The following C9orf43 variants were observed in gnomAD, a reference collection of about 807,000 sequenced individuals.
C9orf43 encodes chromosome 9 open reading frame 43, also known as uncharacterized protein C9orf43.
C9orf43 carries 45 observed loss-of-function variants against 59.1 expected under a neutral mutation model. The observed-to-expected ratio is 0.76, with a 90% CI of 0.60 to 0.98. C9orf43 has a LOEUF of 0.98. C9orf43 is among the 50% of genes least tolerant of loss of function. The pLI is 0.00. For missense variants in C9orf43, 533 were observed against 554.9 expected, an observed-to-expected ratio of 0.96 and a Z score of 0.40; for synonymous variants, 203 against 196.8, an observed-to-expected ratio of 1.03 and a Z score of -0.26.
chr9:113,427,040 A>C (rs1032511486), intron 11 of C9orf43, among the ~76,000 whole-genome samples: 5 of 152,162 alleles, frequency 3.3e-5, no homozygotes, highest in African/African-American at 1.2e-4. Flanking sequence ...TTGGGTATTT[A>C]AGGGAGAGTG....
chr9:113,426,615 CT>C (rs1308265380), intron 11 of C9orf43, among the ~76,000 whole-genome samples: 1 of 152,206 alleles, frequency 6.6e-6, no homozygotes, highest in Non-Finnish European at 1.5e-5. Flanking sequence ...ATGATCTGCT[CT>C]AACCTGAAGG....
rs1828480969 is a variant in C9orf43 at position 113,419,154 on chromosome 9, A to G, written c.334A>G (p.Arg112Gly). Residue 112 changes from arginine (R) to glycine (G), a missense_variant, in exon 4 of 14, where the codon AGA becomes GGA. Coordinates refer to ENST00000374165, the MANE Select transcript of C9orf43 (RefSeq NM_001278629.2). Reference sequence around the variant, plus strand: ...CAAAAGTTTGATCAACTGTACTAACAGACTTCCCAAAGTAAGTCATAGATT... The same window carrying G: ...CAAAAGTTTGATCAACTGTACTAACGGACTTCCCAAAGTAAGTCATAGATT... ...PDKSLINCTN[R>G]LPKFPVLNLN... The G allele has an allele frequency of 1.9e-6, 3 of 1,607,440 alleles. No individual in the cohort carries two copies. The highest frequency in any genetic ancestry group is 2.5e-6 in the Non-Finnish European group (3 of 1,176,888).
Position 113,424,960 on chromosome 9 carries a change from A to T in C9orf43, c.808-59A>T, listed in dbSNP as rs1351447908. ...ATGAATAAACGCATTTGGGGGATACATTTGGAGAAAGGGAAAGACCTGCAG... is the reference window on the plus strand; with the variant it reads ...ATGAATAAACGCATTTGGGGGATACTTTTGGAGAAAGGGAAAGACCTGCAG... On this transcript the variant is annotated intron_variant, in intron 8 of 13. Transcript: ENST00000374165. 3 of 1,464,732 alleles carry T rather than the reference A, an allele frequency of 2.0e-6. No homozygotes were observed. The East Asian group carries it at 6.8e-5, about 33-fold the overall frequency. The allele number at this position is 1,464,732 out of a possible 1,614,324, so 90.7% of individuals were successfully genotyped here.
Position 113,429,628 on chromosome 9 carries a change from A to G in C9orf43, c.*242A>G. ...TCCCCAGCCTTTTTAAATTTAGATT[A>G]TTTCCTTTCCATTAGGGTCAGAATA... On this transcript the variant is annotated 3_prime_UTR_variant, in exon 14 of 14. Coordinates refer to ENST00000374165, the MANE Select transcript of C9orf43 (RefSeq NM_001278629.2). 2.1e-6 allele frequency: 1 copy of G among 471,966 alleles called. No individual in the cohort carries two copies. The highest frequency in any genetic ancestry group is 3.5e-5 in the South Asian group (1 of 28,518). 29.2% of individuals were successfully genotyped at this position (471,966 alleles called of 1,614,324 possible).
intron 4 of C9orf43, among the ~76,000 whole-genome samples, chr9:113,420,553 A>G (rs187549071): frequency 6.6e-6 from 1 of 152,338 alleles, no homozygotes; most frequent in East Asian, 1.9e-4. Flanking sequence ...TCGTGTGTGT[A>G]TCTTACCAGG....
chr9:113,425,607 A>G (rs780477872), intron 10 of C9orf43, 36 bp from the exon 11 acceptor site: 65 of 1,596,058 alleles, frequency 4.1e-5, no homozygotes, highest in African/African-American at 5.4e-5. Context: ...TTTACTTCCA[A>G]AAATCCTAAT....
chr9:113,423,329 A>T lies in C9orf43; in HGVS notation c.487A>T (p.Ser163Cys), dbSNP rs1289399108. The T allele has an allele frequency of 6.2e-7, 1 of 1,613,152 alleles. No homozygotes were observed. The highest frequency in any genetic ancestry group is 1.3e-5 in the African/African-American group (1 of 74,902). The change falls in exon 7 of 14, where the codon AGC becomes TGC. Residue 163 changes from serine (S) to cysteine (C), a missense_variant. By Grantham distance (112) the Ser-to-Cys change is moderately radical. Coordinates refer to ENST00000374165, the MANE Select transcript of C9orf43 (RefSeq NM_001278629.2). ...CTTTCCATTGTTTCTCTTCCAGAAAAGCAAGTCATTTCTGGGTCTCTCTGG... is the reference window on the plus strand; with the variant it reads ...CTTTCCATTGTTTCTCTTCCAGAAATGCAAGTCATTTCTGGGTCTCTCTGG... ...KKKRKNSAVK[S>C]KSFLGLSGNQ...
intron 11 of C9orf43, among the ~76,000 whole-genome samples, chr9:113,427,189 G>C (rs532623933): frequency 4.3e-4 from 65 of 152,286 alleles, no homozygotes; most frequent in African/African-American, 1.4e-3. Context: ...ATTTATTTGA[G>C]ACGGAGTTTC....
chr9:113,419,209 T>C, intron 4 of C9orf43, 44 bp downstream of exon 4: 2 of 1,428,626 alleles, frequency 1.4e-6, no homozygotes, highest in Non-Finnish European at 2.0e-6. Flanking sequence ...ATTTTTTCTT[T>C]ACTAGTGGAA....
chr9:113,411,147 A>AG, intron 1 of C9orf43, 146 bp downstream of exon 1: 1 of 982,454 alleles, frequency 1.0e-6, no homozygotes, highest in Non-Finnish European at 1.2e-6. Flanking sequence ...AGGTAACGAA[A>AG]GGGCGAGAAG....
At chr9:113,422,476 A>T in intron 5 of C9orf43, 73 bp from the exon 6 acceptor site, 1 of 1,579,204 alleles carries the variant, frequency 6.3e-7, no homozygotes, top group East Asian at 2.2e-5. Context: ...ATCTGGGAAT[A>T]AGTTGTGCTT....
At chr9:113,421,053 T>TG in intron 4 of C9orf43, 50 bp from the exon 5 acceptor site, 1 of 1,390,260 alleles carries the variant, frequency 7.2e-7, no homozygotes, top group Non-Finnish European at 1.0e-6. Context: ...TAATCTGATA[T>TG]AGGAGCTTAG....
chr9:113,422,229 C>T (rs986182639), intron 5 of C9orf43, among the ~76,000 whole-genome samples: 1 of 152,168 alleles, frequency 6.6e-6, no homozygotes, highest in African/African-American at 2.4e-5. Context: ...ACAGACATAA[C>T]CACACCTACA....
rs1251896305 is a variant in C9orf43, at chr9:113,423,467, T to C, written c.625T>C (p.Ser209Pro). 6.2e-7 allele frequency: 1 copy of C among 1,613,834 alleles called. No homozygotes were observed. The highest frequency in any genetic ancestry group is 8.5e-7 in the Non-Finnish European group (1 of 1,179,890). ...SSDFLPLWAQ[S>P]EALPQDLLKE... The stretch of plus-strand genomic sequence containing the variant: ...AGATTTCCTACCTCTCTGGGCTCAA[T>C]CCGAAGCGTTACCTCAGGATCTACT... The change falls in exon 7 of 14, where the codon TCC becomes CCC. Residue 209 changes from serine to proline, a missense_variant. Physicochemically the swap from Ser to Pro is moderately conservative, Grantham distance 74. Transcript: ENST00000374165.
intron 12 of C9orf43, 79 bp from the exon 13 acceptor site, chr9:113,428,821 A>G (rs1828883187): frequency 1.6e-6 from 2 of 1,271,950 alleles, no homozygotes; most frequent in South Asian, 1.2e-5. Context: ...AATTTCTCCA[A>G]GAGAAGCATC....
rs540026852 is a variant in C9orf43 at position 113,429,134 on chromosome 9, A to G, written c.1172-38A>G. 17 of 1,589,698 alleles carry G rather than the reference A, an allele frequency of 1.1e-5. No homozygotes were observed. In the East Asian group the frequency reaches 3.8e-4, roughly 36 times the overall value. On this transcript the variant is annotated intron_variant, in intron 13 of 13. Coordinates refer to ENST00000374165, the MANE Select transcript of C9orf43 (RefSeq NM_001278629.2). Reference sequence around the variant, plus strand: ...TCCTCCATTTGTTGTAGTTGAGAGGAGTTTACAGGTGCAATTAATGACTGC... The same window carrying G: ...TCCTCCATTTGTTGTAGTTGAGAGGGGTTTACAGGTGCAATTAATGACTGC...
In C9orf43 at chr9:113,424,190, C is replaced by A. The variant is rs1243862414; in HGVS notation, c.681C>A (p.Thr227=). The change falls in exon 8 of 14, where the codon ACC becomes ACA. Residue 227 remains threonine, a synonymous_variant. Coordinates refer to ENST00000374165, the MANE Select transcript of C9orf43 (RefSeq NM_001278629.2). ...LKELLPGGKQ[T]MLCPEMKIKL... is the part of the protein sequence containing the mutation. ...GACTTTTGCCAGGTGGAAAGCAAAC[C>A]ATGCTCTGTCCAGAGATGAAGATAA... 2 of 1,611,668 alleles carry A rather than the reference C, an allele frequency of 1.2e-6. No individual in the cohort carries two copies. Among genetic ancestry groups the A allele is most frequent in the Non-Finnish European group, 1.7e-6 (2 of 1,178,976 alleles).
intron 3 of C9orf43, among the ~76,000 whole-genome samples, chr9:113,415,964 A>G (rs1828340013): frequency 6.6e-6 from 1 of 152,184 alleles, no homozygotes; most frequent in Non-Finnish European, 1.5e-5. Context: ...TTTCTCAGTC[A>G]GGACCTATGA....
chr9:113,424,238 T>C lies in C9orf43; in HGVS notation c.729T>C (p.Asn243=). The C allele has an allele frequency of 1.2e-6, 2 of 1,613,424 alleles. No individual in the cohort carries two copies. The highest frequency in any genetic ancestry group is 1.7e-6 in the Non-Finnish European group (2 of 1,179,380). The part of the protein sequence containing the change: ...MKIKLAMMKK[N]LPLEKNRPDS... ...TAAAATTGGCCATGATGAAAAAGAA[T>C]CTTCCCTTGGAAAAGAACCGACCTG... Residue 243 remains asparagine (N), a synonymous_variant, in exon 8 of 14, where the codon AAT becomes AAC. Coordinates refer to ENST00000374165, the MANE Select transcript of C9orf43 (RefSeq NM_001278629.2).
Sources: gnomAD v4.1 joint callset for allele counts (sites outside exome capture counted in the v4.1 genomes callset) on GRCh38, gnomAD v4.1.1 for gene constraint, MANE v1.5 for transcripts, NCBI Gene and HGNC (gene_info 2026-07-23, HGNC 2026-07-21) for gene names.